Variants in TET2 observed in about 807,000 individuals in gnomAD.
TET2 encodes tet methylcytosine dioxygenase 2.
A neutral mutation model predicts 142.9 loss-of-function variants in TET2; 299 were observed. The observed-to-expected ratio is 2.09, with a 90% CI of 1.90 to 2.30. The LOEUF (loss-of-function observed/expected upper bound fraction) is 2.30, where lower values mean the gene tolerates loss of function less well. Among genes scored for constraint, TET2 ranks in the 30% most tolerant of loss-of-function variants. The pLI is 0.00. For synonymous variants in TET2, 819 were observed against 849.0 expected, an observed-to-expected ratio of 0.96 and a Z score of 0.61; for missense variants, 2,418 against 2,378.0, an observed-to-expected ratio of 1.02 and a Z score of -0.35.
rs187763604 is a variant in TET2, at chr4:105,211,573, T to A, written c.-47+21068T>A. 4.3e-3 allele frequency among the ~76,000 whole-genome samples: 659 copies of A among 152,222 alleles called. 2 individuals carry two copies. The highest frequency in any genetic ancestry group is 0.015 in the African/African-American group (618 of 41,546). ...AGATAGAGGAAAACTAAGAACAAGG[T>A]GTCCCTAAAGTGAGAGTGTCCTAAC... On this transcript the variant is annotated intron_variant, in intron 2 of 10. Transcript: ENST00000380013.
chr4:105,192,090 G>T (rs950209244), intron 2 of TET2, among the ~76,000 whole-genome samples: 2 of 151,900 alleles, frequency 1.3e-5, no homozygotes, highest in African/African-American at 4.8e-5. Flanking sequence ...TTTTAAGATG[G>T]AATTTTCCTC....
At chr4:105,240,451 G>A (rs936886615) in intron 3 of TET2, 46 of 1,075,638 alleles carry the variant, frequency 4.3e-5, no homozygotes, top group Non-Finnish European at 5.1e-5. Context: ...TAGCTATGCA[G>A]CATAGATTTA....
At chr4:105,183,841 A>G (rs186813073) in intron 1 of TET2, among the ~76,000 whole-genome samples, 6 of 152,182 alleles carry the variant, frequency 3.9e-5, no homozygotes, top group African/African-American at 1.4e-4. Flanking sequence ...ATCAAAATCA[A>G]TGCAAGTTAC....
At chr4:105,205,939 CATT>C (rs949942360) in intron 2 of TET2, among the ~76,000 whole-genome samples, 17 of 152,102 alleles carry the variant, frequency 1.1e-4, no homozygotes, top group African/African-American at 3.9e-4. Context: ...CAGCCGAAAA[CATT>C]ATCTTAATGG....
chr4:105,177,022 C>T (rs1185230020), intron 1 of TET2, among the ~76,000 whole-genome samples: 2 of 152,170 alleles, frequency 1.3e-5, no homozygotes, highest in Non-Finnish European at 2.9e-5. Flanking sequence ...CAAAGATGGT[C>T]TTTTCAACAA....
chr4:105,189,341 C>G (rs1004921713), intron 1 of TET2, among the ~76,000 whole-genome samples: 2 of 152,158 alleles, frequency 1.3e-5, no homozygotes, highest in Admixed American at 1.3e-4. Context: ...ATTCCAGATA[C>G]TATTTCAGGA....
chr4:105,258,719 TTA>T (rs1491130458), intron 6 of TET2, among the ~76,000 whole-genome samples: 1 of 152,192 alleles, frequency 6.6e-6, no homozygotes, highest in Non-Finnish European at 1.5e-5. Context: ...AATTATTTAC[TTA>T]TATCACAATA....
chr4:105,149,284 G>A (rs1369440600), intron 1 of TET2, among the ~76,000 whole-genome samples: 1 of 151,964 alleles, frequency 6.6e-6, no homozygotes, highest in Non-Finnish European at 1.5e-5. Flanking sequence ...TAACTACATT[G>A]GTTAATAATT....
chr4:105,175,073 A>G (rs1724701917), intron 1 of TET2, among the ~76,000 whole-genome samples: 1 of 152,220 alleles, frequency 6.6e-6, no homozygotes, highest in Admixed American at 6.5e-5. Context: ...CCAAATTATA[A>G]GGCTACAGAA....
In TET2 at chr4:105,235,429, TG is replaced by T; in HGVS notation, c.1488del (p.Met496IlefsTer37). 1 of 1,614,164 alleles carries T rather than the reference TG, an allele frequency of 6.2e-7. No individual in the cohort carries two copies. The highest frequency in any genetic ancestry group is 8.5e-7 in the Non-Finnish European group (1 of 1,180,024). ...NRNDIQTAGT[M>X]TVPLCSEKTR... Reference sequence around the variant, plus strand: ...AATGACATACAGACTGCAGGGACAATGACTGTTCCATTGTGTTCTGAGAAAA... The same window carrying T: ...AATGACATACAGACTGCAGGGACAATACTGTTCCATTGTGTTCTGAGAAAA... On this transcript the variant is annotated frameshift_variant, in exon 3 of 11. Coordinates refer to ENST00000380013, the MANE Select transcript of TET2 (RefSeq NM_001127208.3). LOFTEE classifies it high-confidence loss of function.
At chr4:105,245,608 G>A (rs1247787728) in intron 6 of TET2, among the ~76,000 whole-genome samples, 1 of 152,182 alleles carries the variant, frequency 6.6e-6, no homozygotes, top group Non-Finnish European at 1.5e-5. Flanking sequence ...GGGATTACAG[G>A]CATGAGCCAC....
intron 9 of TET2, among the ~76,000 whole-genome samples, chr4:105,270,849 A>T (rs1274338005): frequency 6.6e-6 from 1 of 152,174 alleles, no homozygotes; most frequent in Non-Finnish European, 1.5e-5. Flanking sequence ...GTTGAAGAAG[A>T]TGGTCAGTGA....
At chr4:105,181,141 A>G (rs1725098795) in intron 1 of TET2, among the ~76,000 whole-genome samples, 1 of 152,128 alleles carries the variant, frequency 6.6e-6, no homozygotes, top group African/African-American at 2.4e-5. Context: ...CCTTTGTAAC[A>G]AAGTTTCTAC....
At chr4:105,190,584 C>G in intron 2 of TET2, 79 bp downstream of exon 2, 1 of 669,934 alleles carries the variant, frequency 1.5e-6, no homozygotes, top group South Asian at 1.6e-5. Context: ...CTCTCCCAAA[C>G]TTCAACTTCA....
At chr4:105,180,487 T>G (rs76074589) in intron 1 of TET2, among the ~76,000 whole-genome samples, 5,910 of 152,238 alleles carry the variant, frequency 0.039, 121 homozygotes, top group Middle Eastern at 0.13. Context: ...CTTTTTTTGT[T>G]TTACCAGGAA....
At chr4:105,247,132 C>T (rs920037876) in intron 6 of TET2, among the ~76,000 whole-genome samples, 6 of 152,222 alleles carry the variant, frequency 3.9e-5, no homozygotes, top group Non-Finnish European at 4.4e-5. Context: ...TCCATGGACC[C>T]ATCACACAGC....
At chr4:105,260,304 C>T (rs922449417) in intron 7 of TET2, among the ~76,000 whole-genome samples, 1 of 152,026 alleles carries the variant, frequency 6.6e-6, no homozygotes, top group Non-Finnish European at 1.5e-5. Flanking sequence ...CTGTAGAATA[C>T]GTATTTCTTA....
intron 1 of TET2, among the ~76,000 whole-genome samples, chr4:105,186,473 C>CTTTTTTTT (rs1224419124): frequency 2.8e-4 from 32 of 115,096 alleles, no homozygotes; most frequent in East Asian, 4.6e-4. Flanking sequence ...TTTGCATTTT[C>CTTTTTTTT]TTTTTTTTTT....
At chr4:105,148,672 T>C (rs1723154505) in intron 1 of TET2, among the ~76,000 whole-genome samples, 1 of 152,250 alleles carries the variant, frequency 6.6e-6, no homozygotes, top group South Asian at 2.1e-4. Context: ...TTCTTTTACA[T>C]GTTTGTATGT....
Sources: allele counts gnomAD v4.1 joint callset (sites outside exome capture counted in the v4.1 genomes callset), GRCh38; gene constraint gnomAD v4.1.1; transcripts MANE v1.5; gene names NCBI Gene and HGNC (gene_info 2026-07-23, HGNC 2026-07-21).